PDE3B: variants seen among roughly 807,000 people sequenced by gnomAD.
The protein encoded by PDE3B is cGMP-inhibited 3',5'-cyclic phosphodiesterase 3B.
PDE3B carries 66 observed loss-of-function variants against 116.8 expected under a neutral mutation model. That is an observed-to-expected ratio of 0.56 (90% CI 0.46 to 0.69). The LOEUF is 0.69. Among genes scored for constraint, PDE3B ranks in the 30% least tolerant of loss-of-function variants. PDE3B has a pLI of 0.00. For missense variants in PDE3B, 1,384 were observed against 1,368.1 expected, an observed-to-expected ratio of 1.01 and a Z score of -0.18; for synonymous variants, 595 against 533.6, an observed-to-expected ratio of 1.12 and a Z score of -1.59.
chr11:14,812,015 T>G (rs1859150106), intron 5 of PDE3B, among the ~76,000 whole-genome samples: 1 of 152,198 alleles, frequency 6.6e-6, no homozygotes, highest in Non-Finnish European at 1.5e-5. Context: ...TTGCTGAAGT[T>G]GCTTATCAGC....
At chr11:14,656,101 GTGGAAAAGCCCTGGTGAT>G (rs1853710056) in intron 1 of PDE3B, among the ~76,000 whole-genome samples, 1 of 152,270 alleles carries the variant, frequency 6.6e-6, no homozygotes, top group Non-Finnish European at 1.5e-5. Flanking sequence ...AACAGTGGGA[GTGGAAAAGCCCTGGTGAT>G]TGGAAAAAAG....
chr11:14,809,014 A>G (rs1859038048), intron 5 of PDE3B, among the ~76,000 whole-genome samples: 2 of 152,212 alleles, frequency 1.3e-5, no homozygotes, highest in African/African-American at 4.8e-5. Context: ...TAAAATTCGT[A>G]TAGAAACGCA....
intron 14 of PDE3B, among the ~76,000 whole-genome samples, chr11:14,865,944 A>C (rs1848035748): frequency 6.6e-6 from 1 of 152,154 alleles, no homozygotes; most frequent in African/African-American, 2.4e-5. Flanking sequence ...AGCATATAGA[A>C]TTAATACTTA....
chr11:14,882,988 A>G, the PDE3B span, among the ~76,000 whole-genome samples: 1 of 152,202 alleles, frequency 6.6e-6, no homozygotes, highest in South Asian at 2.1e-4. Context: ...GATGTGAAGG[A>G]CCTCTTCAAG....
intron 12 of PDE3B, among the ~76,000 whole-genome samples, chr11:14,851,925 T>C (rs939100649): frequency 2.0e-5 from 3 of 152,204 alleles, no homozygotes; most frequent in African/African-American, 4.8e-5. Context: ...AACCTAAAAA[T>C]AGTTATCTGA....
chr11:14,859,020 C>T lies in PDE3B; in HGVS notation c.2521-23C>T, dbSNP rs367667358. On this transcript the variant is annotated intron_variant, in intron 12 of 15. Transcript: ENST00000282096. ...TTTAATATCTTTGAGGTGTCTGCCT[C>T]ATTTTTCTATATTTCTTTTTAGGCA... is the stretch of plus-strand genomic sequence containing the variant. 4.5e-6 allele frequency: 7 copies of T among 1,553,402 alleles called. No homozygotes were observed. The African/African-American group carries it at 9.6e-5, about 21-fold the overall frequency.
chr11:14,817,867 C>A (rs1182695224), intron 5 of PDE3B, among the ~76,000 whole-genome samples: 1 of 152,052 alleles, frequency 6.6e-6, no homozygotes, highest in Non-Finnish European at 1.5e-5. Context: ...AAGTTAAAGA[C>A]CAATAGGAAT....
the PDE3B span, among the ~76,000 whole-genome samples, chr11:14,878,910 T>C: frequency 6.6e-5 from 10 of 152,244 alleles, no homozygotes; most frequent in Admixed American, 1.3e-4. Context: ...AGTTCATCTA[T>C]AGTTAATAAA....
At chr11:14,723,931 G>A (rs1232971529) in intron 1 of PDE3B, among the ~76,000 whole-genome samples, 3 of 152,154 alleles carry the variant, frequency 2.0e-5, no homozygotes, top group African/African-American at 4.8e-5. Flanking sequence ...GGCCTTGGAA[G>A]GTGATGTTTT....
chr11:14,890,724 T>C, the PDE3B span, among the ~76,000 whole-genome samples: 2 of 151,682 alleles, frequency 1.3e-5, no homozygotes, highest in Admixed American at 1.3e-4. Context: ...TTTTTTGTAT[T>C]CTTTTAGTAG....
chr11:14,795,442 C>T (rs144177288), intron 4 of PDE3B, among the ~76,000 whole-genome samples: 145 of 152,256 alleles, frequency 9.5e-4, no homozygotes, highest in African/African-American at 3.2e-3. Flanking sequence ...CTGCTTTCTT[C>T]GTATTGATTT....
chr11:14,783,170 A>C (rs1858079546), intron 2 of PDE3B, among the ~76,000 whole-genome samples: 1 of 152,244 alleles, frequency 6.6e-6, no homozygotes, highest in South Asian at 2.1e-4. Context: ...GGGACTGTAA[A>C]CTAGTTCAAC....
Position 14,777,201 on chromosome 11 carries a change from C to T in PDE3B, c.1029+5214C>T, listed in dbSNP as rs567042483. On this transcript the variant is annotated intron_variant, in intron 2 of 15. Coordinates refer to ENST00000282096, the MANE Select transcript of PDE3B (RefSeq NM_000922.4). ...TAAGCATAGATCAATAGAATTTAGC[C>T]AATTTTACAACATAGAGGAAACAGA... Among the ~76,000 whole-genome samples the T allele has an allele frequency of 1.8e-4, 27 of 152,128 alleles. No homozygotes were observed. In the South Asian group the frequency reaches 5.4e-3, roughly 30 times the overall value.
chr11:14,687,964 A>G (rs1163615743), intron 1 of PDE3B, among the ~76,000 whole-genome samples: 1 of 152,212 alleles, frequency 6.6e-6, no homozygotes, highest in Non-Finnish European at 1.5e-5. Flanking sequence ...TTCTGAAAAC[A>G]TAGGAGATAT....
At chr11:14,728,918 A>T (rs1233439991) in intron 1 of PDE3B, among the ~76,000 whole-genome samples, 1 of 152,106 alleles carries the variant, frequency 6.6e-6, no homozygotes, top group Non-Finnish European at 1.5e-5. Flanking sequence ...TTTTAAGTGT[A>T]TGTAGTCATT....
intron 1 of PDE3B, among the ~76,000 whole-genome samples, chr11:14,656,323 G>A (rs1853716248): frequency 6.6e-6 from 1 of 152,170 alleles, no homozygotes; most frequent in South Asian, 2.1e-4. Context: ...TAAACTCCCT[G>A]AGTGTAAGAA....
chr11:14,739,149 G>A (rs780918130), intron 1 of PDE3B, among the ~76,000 whole-genome samples: 1 of 152,176 alleles, frequency 6.6e-6, no homozygotes, highest in Non-Finnish European at 1.5e-5. Flanking sequence ...GAAAGTCAAT[G>A]GTAGCTTGAT....
intron 1 of PDE3B, among the ~76,000 whole-genome samples, chr11:14,700,463 T>C (rs1237172386): frequency 6.6e-6 from 1 of 151,798 alleles, no homozygotes; most frequent in East Asian, 1.9e-4. Flanking sequence ...ACTTATGAAC[T>C]GACAACTGTT....
At chr11:14,814,940 A>C (rs1221557354) in intron 5 of PDE3B, among the ~76,000 whole-genome samples, 3 of 151,650 alleles carry the variant, frequency 2.0e-5, no homozygotes, top group African/African-American at 4.9e-5. Flanking sequence ...ACTGTACTCC[A>C]GCCTGGGCAA....
Sources: allele counts gnomAD v4.1 joint callset (sites outside exome capture counted in the v4.1 genomes callset), GRCh38; gene constraint gnomAD v4.1.1; transcripts MANE v1.5; gene names NCBI Gene and HGNC (gene_info 2026-07-23, HGNC 2026-07-21).